The following SEMA5A variants were observed in gnomAD, a reference collection of about 807,000 sequenced individuals.
SEMA5A encodes the protein semaphorin 5A.
In SEMA5A, 55 loss-of-function variants were observed where a neutral mutation model predicts 135.5. That is an observed-to-expected ratio of 0.41 (90% CI 0.33 to 0.51). The LOEUF (loss-of-function observed/expected upper bound fraction) is 0.51, where lower values mean the gene tolerates loss of function less well. Ranked by LOEUF, SEMA5A falls within the 20% of genes least tolerant of loss-of-function variation. SEMA5A has a pLI of 0.37. For synonymous variants in SEMA5A, 580 were observed against 546.5 expected (o/e 1.06, Z -0.85); for missense variants, 1,290 against 1,419.9 (o/e 0.91, Z 1.47).
chr5:9,537,539 C>A (rs1348928884), intron 1 of SEMA5A, among the ~76,000 whole-genome samples: 3 of 152,188 alleles, frequency 2.0e-5, no homozygotes, highest in Non-Finnish European at 4.4e-5. Flanking sequence ...AGTGTATCCT[C>A]ATAAATAACT....
chr5:9,160,270 T>C (rs750298275), intron 11 of SEMA5A, among the ~76,000 whole-genome samples: 1 of 152,116 alleles, frequency 6.6e-6, no homozygotes, highest in Non-Finnish European at 1.5e-5. Flanking sequence ...CAGAGGCACA[T>C]CTGTGTCAGA....
chr5:9,305,037 A>T (rs1328207172), intron 5 of SEMA5A, among the ~76,000 whole-genome samples: 1 of 152,092 alleles, frequency 6.6e-6, no homozygotes, highest in Non-Finnish European at 1.5e-5. Flanking sequence ...ATCTACTCCA[A>T]CCTGGACTGG....
intron 5 of SEMA5A, among the ~76,000 whole-genome samples, chr5:9,315,578 T>A (rs1006022294): frequency 7.2e-5 from 11 of 152,284 alleles, no homozygotes; most frequent in Admixed American, 7.2e-4. Context: ...TCTTTATTAT[T>A]TCTTCTTTTT....
intron 5 of SEMA5A, among the ~76,000 whole-genome samples, chr5:9,311,919 C>T (rs1192484991): frequency 6.6e-6 from 1 of 152,044 alleles, no homozygotes; most frequent in African/African-American, 2.4e-5. Context: ...CTGCTTATCC[C>T]AGCATTTGTG....
At chr5:9,225,094 C>T (rs1747219691) in intron 7 of SEMA5A, among the ~76,000 whole-genome samples, 1 of 152,064 alleles carries the variant, frequency 6.6e-6, no homozygotes, top group Non-Finnish European at 1.5e-5. Flanking sequence ...GTTTCTTTCT[C>T]ATCACTTTAG....
At chr5:9,451,104 C>T (rs1186565889) in intron 1 of SEMA5A, among the ~76,000 whole-genome samples, 1 of 152,158 alleles carries the variant, frequency 6.6e-6, no homozygotes, top group African/African-American at 2.4e-5. Context: ...AATATACAGA[C>T]TCAAGGGTTC....
chr5:9,371,905 T>G (rs1458315401), intron 3 of SEMA5A, among the ~76,000 whole-genome samples: 2 of 152,270 alleles, frequency 1.3e-5, no homozygotes, highest in African/African-American at 4.8e-5. Context: ...CAGTTAGCAG[T>G]GTCTTCCTAT....
chr5:9,351,428 T>C (rs1162446639), intron 3 of SEMA5A, among the ~76,000 whole-genome samples: 2 of 152,154 alleles, frequency 1.3e-5, no homozygotes, highest in African/African-American at 4.8e-5. Context: ...AATTAGTGCA[T>C]TTCATTGTTA....
chr5:9,156,315 C>G (rs944171518), intron 11 of SEMA5A, among the ~76,000 whole-genome samples: 5 of 152,208 alleles, frequency 3.3e-5, no homozygotes, highest in African/African-American at 1.2e-4. Flanking sequence ...TGGGGTACAG[C>G]GAAGAGTCAA....
intron 1 of SEMA5A, among the ~76,000 whole-genome samples, chr5:9,459,119 A>C (rs367804080): frequency 6.6e-6 from 1 of 152,138 alleles, no homozygotes; most frequent in Non-Finnish European, 1.5e-5. Context: ...TCAACTTTTT[A>C]AAAAAAGTCC....
Position 9,042,851 on chromosome 5 carries a change from C to T in SEMA5A, c.*46G>A, listed in dbSNP as rs756861935. 2.5e-6 allele frequency: 4 copies of T among 1,610,216 alleles called. No homozygotes were observed. The highest frequency in any genetic ancestry group is 3.4e-6 in the Non-Finnish European group (4 of 1,177,196). On this transcript the variant is annotated 3_prime_UTR_variant, in exon 23 of 23. Coordinates refer to ENST00000382496, the MANE Select transcript of SEMA5A (RefSeq NM_003966.3). ...AACATGGGCAGTCATGGGGCACAGG[C>T]CTTGAGGAACTGGGGATTTACAAGA...
At position 9,062,867 on chromosome 5, in the gene SEMA5A, A is replaced by G; in HGVS notation, c.2518+20T>C. On this transcript the variant is annotated intron_variant, in intron 18 of 22. Coordinates refer to ENST00000382496, the MANE Select transcript of SEMA5A (RefSeq NM_003966.3). The stretch of plus-strand genomic sequence containing the variant: ...GCCCTTGAGTTTTCAGATGTTTTGT[A>G]GACTACACAATCCACTTACCTGGGC... The G allele has an allele frequency of 6.2e-7, 1 of 1,613,322 alleles. No individual in the cohort carries two copies. Among genetic ancestry groups the G allele is most frequent in the Non-Finnish European group, 8.5e-7 (1 of 1,179,224 alleles).
intron 1 of SEMA5A, among the ~76,000 whole-genome samples, chr5:9,528,681 C>A (rs1382716193): frequency 6.6e-6 from 1 of 152,160 alleles, no homozygotes; most frequent in Non-Finnish European, 1.5e-5. Flanking sequence ...CTGCATGAGG[C>A]CCAAGGAGAA....
chr5:9,279,622 G>A (rs1325006322), intron 5 of SEMA5A, among the ~76,000 whole-genome samples: 1 of 152,022 alleles, frequency 6.6e-6, no homozygotes, highest in Non-Finnish European at 1.5e-5. Context: ...TCAGTGGAGG[G>A]GCCTAGTGGA....
At chr5:9,315,739 C>A (rs566052130) in intron 5 of SEMA5A, among the ~76,000 whole-genome samples, 3 of 152,254 alleles carry the variant, frequency 2.0e-5, no homozygotes, top group South Asian at 4.1e-4. Context: ...CATCTTGCTG[C>A]GTCCTCTGTG....
intron 2 of SEMA5A, among the ~76,000 whole-genome samples, chr5:9,426,057 T>C (rs1441865852): frequency 6.6e-6 from 1 of 152,152 alleles, no homozygotes; most frequent in African/African-American, 2.4e-5. Context: ...GCTCAGATAA[T>C]GTAAGCATTA....
chr5:9,496,242 A>C (rs1251399408), intron 1 of SEMA5A, among the ~76,000 whole-genome samples: 1 of 152,094 alleles, frequency 6.6e-6, no homozygotes, highest in Non-Finnish European at 1.5e-5. Flanking sequence ...ATGGGGTTTC[A>C]CCATGTTGGC....
chr5:9,234,283 G>A lies in SEMA5A; in HGVS notation c.333+3545C>T, dbSNP rs187466102. Among the ~76,000 whole-genome samples the A allele has an allele frequency of 3.1e-3, 474 of 152,312 alleles. 2 individuals are homozygous for A. Among genetic ancestry groups the A allele is most frequent in the African/African-American group, 0.011 (457 of 41,574 alleles). ...GGTCCAGTTGCCCCTGTTCATAGGGGCTGCCTTGTTTCTTTCCCTTCTCTG... is the reference window on the plus strand; with the variant it reads ...GGTCCAGTTGCCCCTGTTCATAGGGACTGCCTTGTTTCTTTCCCTTCTCTG... On this transcript the variant is annotated intron_variant, in intron 6 of 22. Transcript: ENST00000382496.
chr5:9,272,616 G>A (rs1421130850), intron 5 of SEMA5A, among the ~76,000 whole-genome samples: 3 of 152,164 alleles, frequency 2.0e-5, no homozygotes, highest in African/African-American at 7.2e-5. Flanking sequence ...GGAGAGCTCT[G>A]GCTGGCATCT....
Sources: allele counts gnomAD v4.1 joint callset (sites outside exome capture counted in the v4.1 genomes callset), GRCh38; gene constraint gnomAD v4.1.1; transcripts MANE v1.5; gene names NCBI Gene and HGNC (gene_info 2026-07-23, HGNC 2026-07-21).